The following ULK2 variants were observed in gnomAD, a reference collection of about 807,000 sequenced individuals.
ULK2 encodes unc-51 like autophagy activating kinase 2.
In ULK2, 76 loss-of-function variants were observed where a neutral mutation model predicts 127.5. The observed-to-expected ratio is 0.60, with a 90% CI of 0.50 to 0.72. The LOEUF is 0.72. Ranked by LOEUF, ULK2 falls within the 30% of genes least tolerant of loss-of-function variation. ULK2 has a pLI of 0.00. For missense variants in ULK2, 1,144 were observed against 1,295.9 expected, an observed-to-expected ratio of 0.88 and a Z score of 1.80; for synonymous variants, 452 against 461.9, an observed-to-expected ratio of 0.98 and a Z score of 0.28.
At chr17:19,779,642 A>AT (rs1428394522) in intron 25 of ULK2, among the ~76,000 whole-genome samples, 1 of 151,758 alleles carries the variant, frequency 6.6e-6, no homozygotes, top group Non-Finnish European at 1.5e-5. Flanking sequence ...CTTTAGAGTA[A>AT]TTTTTCCCCG....
chr17:19,800,023 G>A (rs1567685814), intron 16 of ULK2, among the ~76,000 whole-genome samples: 1 of 152,202 alleles, frequency 6.6e-6, no homozygotes, highest in Non-Finnish European at 1.5e-5. Context: ...CAGGCTTGTT[G>A]AAGCGGGTCA....
At chr17:19,804,988 C>CA (rs914658232) in intron 14 of ULK2, among the ~76,000 whole-genome samples, 158 bp from the exon 15 acceptor site, 48 of 151,418 alleles carry the variant, frequency 3.2e-4, no homozygotes, top group African/African-American at 8.2e-4. Context: ...TATATAAAGC[C>CA]AAAAAAAATC....
In ULK2 at chr17:19,867,522, C is replaced by G. The variant is rs952200469; in HGVS notation, c.-105G>C. 1 of 738,358 alleles carries G rather than the reference C, an allele frequency of 1.4e-6. No individual in the cohort carries two copies. The highest frequency in any genetic ancestry group is 1.9e-6 in the Non-Finnish European group (1 of 535,786). The allele number at this position is 738,358 out of a possible 1,614,324, so 45.7% of individuals were successfully genotyped here. ...CGGAGCGCGCCAGCGTGCGGCGGGT[C>G]TGGGGCAGCCGCAGCCCCGGGCCCG... On this transcript the variant is annotated 5_prime_UTR_variant, in exon 1 of 27. Transcript: ENST00000395544.
At chr17:19,825,302 A>C in intron 11 of ULK2, 120 bp from the exon 12 acceptor site, 1 of 719,626 alleles carries the variant, frequency 1.4e-6, no homozygotes, top group Non-Finnish European at 2.3e-6. Flanking sequence ...GCATTTACCT[A>C]TTTATTACCA....
At chr17:19,799,975 G>A (rs1244714122) in intron 16 of ULK2, among the ~76,000 whole-genome samples, 1 of 152,216 alleles carries the variant, frequency 6.6e-6, no homozygotes, top group Non-Finnish European at 1.5e-5. Flanking sequence ...CCCCAGGGCT[G>A]TTCCCAGCCA....
chr17:19,851,231 G>A (rs1335692679), intron 3 of ULK2, among the ~76,000 whole-genome samples: 4 of 148,966 alleles, frequency 2.7e-5, no homozygotes, highest in African/African-American at 1.0e-4. Flanking sequence ...GGAGGCTGAG[G>A]TAGAAGAATC....
intron 10 of ULK2, among the ~76,000 whole-genome samples, chr17:19,831,982 G>C (rs935278195): frequency 1.3e-5 from 2 of 152,054 alleles, no homozygotes; most frequent in Non-Finnish European, 2.9e-5. Context: ...AAAATAGCCA[G>C]GTGTGGTGAC....
chr17:19,793,480 C>T (rs34331207), intron 20 of ULK2, among the ~76,000 whole-genome samples: 34,429 of 152,156 alleles, frequency 0.23, 4,718 homozygotes, highest in South Asian at 0.37. Context: ...CCCTTCACCA[C>T]ATCATCCATA....
In ULK2 at chr17:19,791,844, C is replaced by CAAA. The variant is rs58434256; in HGVS notation, c.2101+3775_2101+3777dup. Among the ~76,000 whole-genome samples, 8 of 48,232 alleles carry CAAA rather than the reference C, an allele frequency of 1.7e-4. 1 individual carries two copies. In the South Asian group the frequency reaches 2.0e-3, roughly 12 times the overall value. 31.6% of individuals were successfully genotyped at this position (48,232 alleles called of 152,430 possible). A position where few individuals can be genotyped will look rare whatever the true frequency, so the allele number is the denominator to read the frequency against. ...CTGCACTCCAGCAACACCCTGTTTA[C>CAAA]AAAAAAAAAAAAAAAAAAAAAAAAT... On this transcript the variant is annotated intron_variant, in intron 20 of 26. Coordinates refer to ENST00000395544, the MANE Select transcript of ULK2 (RefSeq NM_014683.4).
intron 14 of ULK2, among the ~76,000 whole-genome samples, chr17:19,806,491 C>T (rs1210688733): frequency 6.6e-6 from 1 of 152,144 alleles, no homozygotes; most frequent in Admixed American, 6.5e-5. Flanking sequence ...CTGGTTCCTC[C>T]CCCTACCAGC....
At position 19,810,363 on chromosome 17, in the gene ULK2, T is replaced by C. The variant is rs1319264700; in HGVS notation, c.1157+15A>G. On this transcript the variant is annotated intron_variant, in intron 14 of 26. Coordinates refer to ENST00000395544, the MANE Select transcript of ULK2 (RefSeq NM_014683.4). The stretch of plus-strand genomic sequence containing the variant: ...TATAAAACAAATTTTAATAAGATAA[T>C]GTAAATATACATACCCTCCACACAC... 1 of 1,549,164 alleles carries C rather than the reference T, an allele frequency of 6.5e-7. No homozygotes were observed. The highest frequency in any genetic ancestry group is 1.2e-5 in the South Asian group (1 of 84,402).
intron 14 of ULK2, among the ~76,000 whole-genome samples, chr17:19,807,250 A>G (rs2087534098): frequency 6.6e-6 from 1 of 152,212 alleles, no homozygotes; most frequent in African/African-American, 2.4e-5. Flanking sequence ...CCCAAGCAGC[A>G]TCAGAAAAGG....
In ULK2 at chr17:19,814,420, A is replaced by ACATATATATACATATATATATG. The variant is rs1567696368; in HGVS notation, c.1096+2328_1096+2329insCATATATATATGTATATATATG. Among the ~76,000 whole-genome samples the ACATATATATACATATATATATG allele has an allele frequency of 1.4e-3, 18 of 12,832 alleles. 1 individual carries two copies. The highest frequency in any genetic ancestry group is 6.4e-3 in the African/African-American group (18 of 2,802). 8.4% of individuals were successfully genotyped at this position (12,832 alleles called of 152,430 possible). ...TGTCTGTTATTATATACATATATAT[A>ACATATATATACATATATATATG]TATATATATATATATATATTTTTTT... is the stretch of plus-strand genomic sequence containing the variant. On this transcript the variant is annotated intron_variant, in intron 13 of 26. Transcript: ENST00000395544.
chr17:19,782,744 C>G (rs1234032783), intron 22 of ULK2, among the ~76,000 whole-genome samples: 1 of 152,078 alleles, frequency 6.6e-6, no homozygotes, highest in East Asian at 1.9e-4. Context: ...GGCGAAATCC[C>G]GTCTCTACTA....
intron 23 of ULK2, among the ~76,000 whole-genome samples, chr17:19,781,343 G>A (rs2086916527): frequency 1.3e-5 from 2 of 150,030 alleles, no homozygotes; most frequent in Non-Finnish European, 2.9e-5. Context: ...CTGGGCTCAA[G>A]GGATCCTCCC....
At chr17:19,831,956 T>C (rs1328482354) in intron 10 of ULK2, among the ~76,000 whole-genome samples, 1 of 152,062 alleles carries the variant, frequency 6.6e-6, no homozygotes, top group Non-Finnish European at 1.5e-5. Context: ...TGAAACCCTG[T>C]CTCTACTAAA....
intron 3 of ULK2, among the ~76,000 whole-genome samples, chr17:19,862,638 G>A (rs2042267257): frequency 6.6e-6 from 1 of 151,242 alleles, no homozygotes; most frequent in South Asian, 2.1e-4. Flanking sequence ...GCTAATTTTT[G>A]TATTTTTAGT....
chr17:19,804,327 A>G (rs1191629458), intron 15 of ULK2, among the ~76,000 whole-genome samples: 1 of 152,130 alleles, frequency 6.6e-6, no homozygotes, highest in African/African-American at 2.4e-5. Flanking sequence ...GTAAGGTCTC[A>G]GGATGGGGGA....
chr17:19,866,891 C>T (rs532072078), intron 1 of ULK2, among the ~76,000 whole-genome samples: 111 of 152,292 alleles, frequency 7.3e-4, no homozygotes, highest in African/African-American at 1.5e-3. Context: ...CTGCGAAAGC[C>T]TGAGGCTAAT....
Sources: allele counts gnomAD v4.1 joint callset (sites outside exome capture counted in the v4.1 genomes callset), GRCh38; gene constraint gnomAD v4.1.1; transcripts MANE v1.5; gene names NCBI Gene and HGNC (gene_info 2026-07-23, HGNC 2026-07-21).